The following ARHGEF10 variants were observed in gnomAD, a reference collection of about 807,000 sequenced individuals.
ARHGEF10 encodes Rho guanine nucleotide exchange factor 10, also known as Rho guanine nucleotide exchange factor (GEF) 10.
ARHGEF10 carries 140 observed loss-of-function variants against 147.4 expected under a neutral mutation model. The ratio of observed to expected loss-of-function variants is 0.95; its 90% confidence interval spans 0.83 to 1.09. The LOEUF (loss-of-function observed/expected upper bound fraction) is 1.09, where lower values mean the gene tolerates loss of function less well. Among genes scored for constraint, ARHGEF10 ranks in the 50% least tolerant of loss-of-function variants. ARHGEF10 has a pLI of 0.00. For missense variants in ARHGEF10, 2,222 were observed against 1,752.7 expected, an observed-to-expected ratio of 1.27 and a Z score of -4.78; for synonymous variants, 902 against 695.8, an observed-to-expected ratio of 1.30 and a Z score of -4.67.
intron 2 of ARHGEF10, among the ~76,000 whole-genome samples, chr8:1,856,176 G>A (rs1805538653): frequency 6.6e-6 from 1 of 152,218 alleles, no homozygotes; most frequent in Non-Finnish European, 1.5e-5. Flanking sequence ...CATCCAGAAG[G>A]ACAGCAACAC....
intron 5 of ARHGEF10, among the ~76,000 whole-genome samples, chr8:1,864,797 T>C (rs7006619): frequency 0.12 from 17,571 of 151,772 alleles, 1,074 homozygotes; most frequent in South Asian, 0.22. Context: ...GCGGGTGGGG[T>C]ATCTGGGGAG....
At chr8:1,881,318 G>C (rs1808175542) in intron 9 of ARHGEF10, among the ~76,000 whole-genome samples, 1 of 151,986 alleles carries the variant, frequency 6.6e-6, no homozygotes, top group African/African-American at 2.4e-5. Flanking sequence ...CAGTTTGTCA[G>C]TTTGCAGTTC....
chr8:1,875,647 T>G (rs571279630), intron 7 of ARHGEF10, among the ~76,000 whole-genome samples: 5 of 152,310 alleles, frequency 3.3e-5, no homozygotes, highest in African/African-American at 7.2e-5. Context: ...TAATCAGACA[T>G]TTGGAGGACC....
At chr8:1,827,323 T>A (rs1194778569) in intron 1 of ARHGEF10, among the ~76,000 whole-genome samples, 1 of 152,216 alleles carries the variant, frequency 6.6e-6, no homozygotes, top group Non-Finnish European at 1.5e-5. Flanking sequence ...GTGATCTTTT[T>A]TTTTGAAATG....
At chr8:1,843,788 C>T (rs950085731) in intron 2 of ARHGEF10, among the ~76,000 whole-genome samples, 2 of 152,218 alleles carry the variant, frequency 1.3e-5, no homozygotes, top group Admixed American at 6.5e-5. Flanking sequence ...AGGCCTCGCT[C>T]AGGCTTAAAG....
In ARHGEF10 at chr8:1,954,643, C is replaced by T. The variant is rs182639967; in HGVS notation, c.3520+1816C>T. ...AGGGGCTGTGACTCACACACTGAGC[C>T]TCAGCTGCCCCTTCTCAGCCTCAGC... On this transcript the variant is annotated intron_variant, in intron 28 of 28. Transcript: ENST00000349830. Among the ~76,000 whole-genome samples, 21 of 152,330 alleles carry T rather than the reference C, an allele frequency of 1.4e-4. No individual in the cohort carries two copies. The East Asian group carries it at 3.5e-3, about 25-fold the overall frequency.
intron 25 of ARHGEF10, among the ~76,000 whole-genome samples, chr8:1,932,638 A>AT (rs1350526743): frequency 3.3e-5 from 5 of 152,238 alleles, no homozygotes; most frequent in Admixed American, 2.0e-4. Flanking sequence ...GGGGCTAATA[A>AT]TTACCCTACA....
chr8:1,852,211 T>C (rs1217260690), intron 2 of ARHGEF10, among the ~76,000 whole-genome samples: 1 of 151,670 alleles, frequency 6.6e-6, no homozygotes, highest in Non-Finnish European at 1.5e-5. Flanking sequence ...CTCTAGAACC[T>C]CTCCATCATC....
intron 8 of ARHGEF10, among the ~76,000 whole-genome samples, chr8:1,879,228 G>A (rs1807969650): frequency 6.6e-6 from 1 of 152,138 alleles, no homozygotes; most frequent in African/African-American, 2.4e-5. Flanking sequence ...CACGGAGAAG[G>A]ATCCAGGGGG....
chr8:1,909,354 C>T lies in ARHGEF10; in HGVS notation c.2027C>T (p.Pro676Leu). 2.5e-6 allele frequency: 4 copies of T among 1,614,212 alleles called. 1 individual carries two copies. Among genetic ancestry groups the T allele is most frequent in the Non-Finnish European group, 1.7e-6 (2 of 1,180,048 alleles). Reference sequence around the variant, plus strand: ...AGGTACTTGCTGAAGTGGAGCGTTCCACTGGGACATGTGGACGCCATCGAG... The same window carrying T: ...AGGTACTTGCTGAAGTGGAGCGTTCTACTGGGACATGTGGACGCCATCGAG... ...SQRYLLKWSVPLGHVDAIEYG... is the reference protein window; with the variant it reads ...SQRYLLKWSVLLGHVDAIEYG... Residue 676 changes from proline (P) to leucine (L), a missense_variant, in exon 18 of 29, where the codon CCA becomes CTA. Pro to Leu is a moderately conservative substitution (Grantham distance 98). Transcript: ENST00000349830.
intron 7 of ARHGEF10, among the ~76,000 whole-genome samples, chr8:1,872,674 C>G (rs78918819): frequency 0.025 from 3,879 of 152,220 alleles, 189 homozygotes; most frequent in African/African-American, 0.089. Context: ...AGTGACCATC[C>G]AACATTAAAA....
intron 26 of ARHGEF10, among the ~76,000 whole-genome samples, chr8:1,941,781 A>G (rs1814113177): frequency 6.6e-6 from 1 of 152,184 alleles, no homozygotes; most frequent in South Asian, 2.1e-4. Context: ...AGTGACATAG[A>G]CCGGAGACCA....
At chr8:1,828,391 T>G (rs1233692665) in intron 1 of ARHGEF10, among the ~76,000 whole-genome samples, 1 of 151,968 alleles carries the variant, frequency 6.6e-6, no homozygotes, top group Non-Finnish European at 1.5e-5. Flanking sequence ...TGATAAACCG[T>G]GGCATGCACA....
intron 22 of ARHGEF10, among the ~76,000 whole-genome samples, 182 bp from the exon 23 acceptor site, chr8:1,926,195 G>C (rs1812677847): frequency 6.6e-6 from 1 of 152,220 alleles, no homozygotes; most frequent in Non-Finnish European, 1.5e-5. Flanking sequence ...CTTCTAAAAA[G>C]CTAACTTCTG....
At chr8:1,945,432 C>G (rs1473653383) in intron 26 of ARHGEF10, 49 bp from the exon 27 acceptor site, 1 of 1,553,520 alleles carries the variant, frequency 6.4e-7, no homozygotes, top group Non-Finnish European at 8.7e-7. Flanking sequence ...ACAGGCCCCA[C>G]TCAGACTCAC....
chr8:1,880,078 C>T lies in ARHGEF10; in HGVS notation c.874C>T (p.His292Tyr). 1.2e-6 allele frequency: 2 copies of T among 1,613,766 alleles called. No homozygotes were observed. Among genetic ancestry groups the T allele is most frequent in the South Asian group, 1.1e-5 (1 of 91,082 alleles). The change falls in exon 9 of 29, where the codon CAC becomes TAC. Residue 292 changes from histidine to tyrosine, a missense_variant. His to Tyr is a moderately conservative substitution (Grantham distance 83). Transcript: ENST00000349830. ...LSHDLTRLKE[H>Y]YEKKMRDLMA... ...TCATGACCTAACCCGTTTAAAGGAG[C>T]ACTATGAGAAAAAGATGAGAGATTT...
intron 7 of ARHGEF10, among the ~76,000 whole-genome samples, chr8:1,874,521 G>A (rs545853124): frequency 1.3e-5 from 2 of 152,288 alleles, no homozygotes; most frequent in East Asian, 1.9e-4. Flanking sequence ...CAGAAAAGTT[G>A]GAAGTCCAGA....
intron 2 of ARHGEF10, among the ~76,000 whole-genome samples, chr8:1,855,452 G>A (rs908552899): frequency 1.3e-5 from 2 of 152,078 alleles, no homozygotes; most frequent in African/African-American, 4.8e-5. Context: ...CGCAATCTCA[G>A]CTCACTGCAA....
At position 1,860,171 on chromosome 8, in the gene ARHGEF10, C is replaced by T; in HGVS notation, c.468C>T (p.Ser156=). 6.2e-7 allele frequency: 1 copy of T among 1,613,340 alleles called. No individual in the cohort carries two copies. The highest frequency in any genetic ancestry group is 1.3e-5 in the African/African-American group (1 of 75,036). ...GCCCGGTCATCATCTGCGCCACGTC[C>T]CTGGACGAAGAAGGTACTGCTACCC... ...YSSPVIICAT[S]LDEEETPEVT... is the part of the protein sequence containing the mutation. The change falls in exon 4 of 29, where the codon TCC becomes TCT. Residue 156 remains serine, a synonymous_variant. Coordinates refer to ENST00000349830, the MANE Select transcript of ARHGEF10 (RefSeq NM_014629.4).
Sources: gnomAD v4.1 joint callset for allele counts (sites outside exome capture counted in the v4.1 genomes callset) on GRCh38, gnomAD v4.1.1 for gene constraint, MANE v1.5 for transcripts, NCBI Gene and HGNC (gene_info 2026-07-23, HGNC 2026-07-21) for gene names.